FAM20A: variants seen among roughly 807,000 people sequenced by gnomAD.
FAM20A encodes FAM20A golgi associated secretory pathway pseudokinase, also known as pseudokinase FAM20A.
In FAM20A, 42 loss-of-function variants were observed where a neutral mutation model predicts 52.0. The observed-to-expected ratio is 0.81, with a 90% CI of 0.63 to 1.04. The LOEUF (loss-of-function observed/expected upper bound fraction) is 1.04, where lower values mean the gene tolerates loss of function less well. FAM20A is among the 50% of genes least tolerant of loss of function. The pLI is 0.00. For synonymous variants in FAM20A, 304 were observed against 298.9 expected, an observed-to-expected ratio of 1.02 and a Z score of -0.18; for missense variants, 742 against 712.7, an observed-to-expected ratio of 1.04 and a Z score of -0.47.
intron 4 of FAM20A, among the ~76,000 whole-genome samples, chr17:68,549,447 T>C (rs573968577): frequency 6.7e-6 from 1 of 149,412 alleles, no homozygotes; most frequent in East Asian, 2.0e-4. Flanking sequence ...TGAGCCGAGA[T>C]AGCGCCACTG....
intron 1 of FAM20A, among the ~76,000 whole-genome samples, chr17:68,587,808 G>A (rs1022163395): frequency 6.6e-6 from 1 of 152,132 alleles, no homozygotes; most frequent in South Asian, 2.1e-4. Context: ...ACATGTTCAT[G>A]GTGTTAATAA....
In FAM20A at chr17:68,540,952, CT is replaced by C. The variant is rs770800860; in HGVS notation, c.1115del (p.Glu372GlyfsTer10). On this transcript the variant is annotated frameshift_variant, in exon 8 of 11. Transcript: ENST00000592554. LOFTEE classifies it high-confidence loss of function. ...CTGTGTCACAGTAAAGGGGATTGACCTCCCACCTGAGGGGGAGAAGAAGTCC... is the reference window on the plus strand; with the variant it reads ...CTGTGTCACAGTAAAGGGGATTGACCCCCACCTGAGGGGGAGAAGAAGTCC... ...SYTLAGKEEW[E>X]VNPLYCDTVK... The C allele has an allele frequency of 6.3e-7, 1 of 1,587,442 alleles. No individual in the cohort carries two copies. Among genetic ancestry groups the C allele is most frequent in the Non-Finnish European group, 8.6e-7 (1 of 1,165,492 alleles).
chr17:68,585,052 A>G (rs1695710117), intron 1 of FAM20A, among the ~76,000 whole-genome samples: 1 of 152,104 alleles, frequency 6.6e-6, no homozygotes, highest in Admixed American at 6.5e-5. Flanking sequence ...CCAGCCAAAC[A>G]TTTTGCAGCC....
intron 1 of FAM20A, among the ~76,000 whole-genome samples, chr17:68,570,518 A>G (rs567663540): frequency 6.6e-6 from 1 of 152,364 alleles, no homozygotes; most frequent in African/African-American, 2.4e-5. Context: ...AGCCCAGTAT[A>G]GGAGAAGTTG....
At chr17:68,581,680 A>G (rs947560073) in intron 1 of FAM20A, among the ~76,000 whole-genome samples, 6 of 146,436 alleles carry the variant, frequency 4.1e-5, no homozygotes, top group African/African-American at 1.5e-4. Flanking sequence ...GGTTTAAGCG[A>G]TTGTCTTGCC....
Position 68,600,211 on chromosome 17 carries a change from G to C in FAM20A, c.404+52C>G. 6.5e-7 allele frequency: 1 copy of C among 1,539,298 alleles called. No homozygotes were observed. ...CAGGAAACTCGAGACTGGGGCGCGG[G>C]GAGGCCCCGGCCAGAGCGCCCGCTC... On this transcript the variant is annotated intron_variant, in intron 1 of 10. Coordinates refer to ENST00000592554, the MANE Select transcript of FAM20A (RefSeq NM_017565.4). This position sits in a 1 kb window ranked among gnomAD's most constrained non-coding sequence, Gnocchi z 6.2.
At chr17:68,596,432 A>G (rs1158405522) in intron 1 of FAM20A, among the ~76,000 whole-genome samples, 1 of 152,228 alleles carries the variant, frequency 6.6e-6, no homozygotes, top group Non-Finnish European at 1.5e-5. Context: ...AAGGCCAATC[A>G]TATGTGGGCA....
chr17:68,541,139 G>T, intron 7 of FAM20A, 181 bp from the exon 8 acceptor site: 2 of 810,648 alleles, frequency 2.5e-6, no homozygotes, highest in Non-Finnish European at 3.8e-6. Flanking sequence ...ATTCCGTGTG[G>T]TGAGAAGGTC....
chr17:68,550,966 A>G, intron 4 of FAM20A: 1 of 911,630 alleles, frequency 1.1e-6, no homozygotes, highest in South Asian at 5.7e-5. Flanking sequence ...CCTCCCCTTG[A>G]ATGGCTGAAG....
intron 1 of FAM20A, among the ~76,000 whole-genome samples, chr17:68,589,658 T>G (rs2088249434): frequency 6.6e-6 from 1 of 152,140 alleles, no homozygotes; most frequent in Non-Finnish European, 1.5e-5. Context: ...AATCAGTGGT[T>G]TAAAAAAAAT....
At chr17:68,572,038 A>G (rs1175599211) in intron 1 of FAM20A, among the ~76,000 whole-genome samples, 2 of 113,470 alleles carry the variant, frequency 1.8e-5, no homozygotes, top group East Asian at 3.0e-4. Context: ...ATATATATAT[A>G]TATGTAGCAG....
chr17:68,581,771 T>C (rs559002718), intron 1 of FAM20A, among the ~76,000 whole-genome samples: 1 of 152,136 alleles, frequency 6.6e-6, no homozygotes, highest in South Asian at 2.1e-4. Flanking sequence ...AGACAGGGTT[T>C]CACCATGTTG....
rs1440937937 is a variant in FAM20A, at chr17:68,566,951, C to CAA, written c.405-11209_405-11208insTT. 2.6e-5 allele frequency among the ~76,000 whole-genome samples: 4 copies of CAA among 152,216 alleles called. No individual in the cohort carries two copies. In the East Asian group the frequency reaches 7.7e-4, roughly 29 times the overall value. ...GGTCACTTAGTCCGTGTCTCCTTTTCAGTCTACCTTGGTCTGTCATTAAAT... is the reference window on the plus strand; with the variant it reads ...GGTCACTTAGTCCGTGTCTCCTTTTCAAAGTCTACCTTGGTCTGTCATTAAAT... On this transcript the variant is annotated intron_variant, in intron 1 of 10. Coordinates refer to ENST00000592554, the MANE Select transcript of FAM20A (RefSeq NM_017565.4).
At position 68,537,324 on chromosome 17, in the gene FAM20A, T is replaced by C. The variant is rs1397398760; in HGVS notation, c.*153A>G. 9 of 947,454 alleles carry C rather than the reference T, an allele frequency of 9.5e-6. No individual in the cohort carries two copies. The highest frequency in any genetic ancestry group is 5.1e-5 in the East Asian group (2 of 39,022). The allele number at this position is 947,454 out of a possible 1,614,324, so 58.7% of individuals were successfully genotyped here. A position where few individuals can be genotyped will look rare whatever the true frequency, so the allele number is the denominator to read the frequency against. On this transcript the variant is annotated 3_prime_UTR_variant, in exon 11 of 11. Coordinates refer to ENST00000592554, the MANE Select transcript of FAM20A (RefSeq NM_017565.4). The surrounding 1 kb of genome is among the most constrained non-coding windows in gnomAD (Gnocchi z 4.2). ...ACCAAGGAGTAAAGATTCAGTTCCA[T>C]GGGCCCCACTTGCTGTTTGAGAAAA... is the stretch of plus-strand genomic sequence containing the variant.
At chr17:68,555,325 G>A (rs2087020308) in intron 2 of FAM20A, among the ~76,000 whole-genome samples, 1 of 152,210 alleles carries the variant, frequency 6.6e-6, no homozygotes, top group Non-Finnish European at 1.5e-5. Context: ...ATAAATGGTA[G>A]CGATCACCTT....
intron 4 of FAM20A, among the ~76,000 whole-genome samples, chr17:68,549,696 A>G (rs1215639611): frequency 6.6e-6 from 1 of 152,102 alleles, no homozygotes; most frequent in Non-Finnish European, 1.5e-5. Context: ...AGTATATATT[A>G]TATGTGCTCG....
chr17:68,536,079 G>C lies in FAM20A; in HGVS notation c.*1398C>G, dbSNP rs1340256058. ...CTCAGTGAATGGTAGTGATTTTAGA[G>C]AGACACAAAGTCCAGGGGCAGCATA... On this transcript the variant is annotated 3_prime_UTR_variant, in exon 11 of 11. Transcript: ENST00000592554. 1 of 454,118 alleles carries C rather than the reference G, an allele frequency of 2.2e-6. No homozygotes were observed. Among genetic ancestry groups the C allele is most frequent in the Non-Finnish European group, 4.4e-6 (1 of 226,782 alleles). The allele number at this position is 454,118 out of a possible 1,614,324, so 28.1% of individuals were successfully genotyped here.
chr17:68,578,426 G>A (rs928935694), intron 1 of FAM20A, among the ~76,000 whole-genome samples: 5 of 152,176 alleles, frequency 3.3e-5, no homozygotes, highest in Non-Finnish European at 7.3e-5. Flanking sequence ...GCTAATTTGC[G>A]TGGTATTATT....
chr17:68,578,296 T>A (rs1413798860), intron 1 of FAM20A, among the ~76,000 whole-genome samples: 2 of 152,236 alleles, frequency 1.3e-5, no homozygotes, highest in South Asian at 4.1e-4. Flanking sequence ...TTGGGGAATC[T>A]GCATGTAGGT....
Sources: allele counts gnomAD v4.1 joint callset (sites outside exome capture counted in the v4.1 genomes callset), GRCh38; gene constraint gnomAD v4.1.1; non-coding constraint Gnocchi (gnomAD v3.1); transcripts MANE v1.5; gene names NCBI Gene and HGNC (gene_info 2026-07-23, HGNC 2026-07-21).